The following BCAR3 variants were observed in gnomAD, a reference collection of about 807,000 sequenced individuals.
BCAR3 encodes the protein BCAR3 adaptor protein, NSP family member.
In BCAR3, 37 loss-of-function variants were observed where a neutral mutation model predicts 80.1. The observed-to-expected ratio is 0.46, with a 90% CI of 0.36 to 0.61. BCAR3 has a LOEUF of 0.61. BCAR3 is among the 20% of genes least tolerant of loss of function. The pLI, the probability that BCAR3 is intolerant of heterozygous loss-of-function variation, is 0.00. For synonymous variants in BCAR3, 389 were observed against 418.9 expected (o/e 0.93, Z 0.87); for missense variants, 978 against 1,068.2 (o/e 0.92, Z 1.18).
chr1:93,582,012 C>T (rs985252797), intron 7 of BCAR3, among the ~76,000 whole-genome samples: 2 of 152,100 alleles, frequency 1.3e-5, no homozygotes, highest in African/African-American at 2.4e-5. Context: ...GAGAAGAGGG[C>T]GGCCCCCACC....
chr1:93,681,309 T>A (rs1648748475), intron 1 of BCAR3: 1 of 151,184 alleles, frequency 6.6e-6, no homozygotes, highest in African/African-American at 2.4e-5. Flanking sequence ...GCAAGATGCC[T>A]GGCCGCCAAT....
chr1:93,642,876 C>T (rs1259193703), intron 2 of BCAR3, among the ~76,000 whole-genome samples: 2 of 152,210 alleles, frequency 1.3e-5, no homozygotes, highest in Non-Finnish European at 2.9e-5. Context: ...GTTACCCACC[C>T]ACTCCTGGTG....
chr1:93,644,226 A>T (rs1287016609), intron 2 of BCAR3, among the ~76,000 whole-genome samples: 1 of 152,234 alleles, frequency 6.6e-6, no homozygotes, highest in Non-Finnish European at 1.5e-5. Context: ...ATCCTAAAGA[A>T]ATTAACTAAA....
intron 3 of BCAR3, among the ~76,000 whole-genome samples, chr1:93,624,950 C>T (rs886706761): frequency 1.3e-5 from 2 of 152,210 alleles, no homozygotes; most frequent in Admixed American, 1.3e-4. Flanking sequence ...GTGGCTCATG[C>T]CTGTAATCCC....
chr1:93,583,861 C>T (rs546537050), intron 6 of BCAR3, among the ~76,000 whole-genome samples, 157 bp downstream of exon 6: 2 of 152,278 alleles, frequency 1.3e-5, no homozygotes, highest in South Asian at 2.1e-4. Flanking sequence ...CTCAGTGCTT[C>T]GCCGCCGGAT....
chr1:93,810,049 C>T (rs1267475662), intron 2 of BCAR3, among the ~76,000 whole-genome samples: 1 of 150,506 alleles, frequency 6.6e-6, no homozygotes, highest in East Asian at 2.0e-4. Context: ...CAAAAATTAG[C>T]AGGCATGGTG....
rs1048297938 is a variant in BCAR3, at chr1:93,586,902, G to T, written c.929+2075C>A. The stretch of plus-strand genomic sequence containing the variant: ...CAATTCTCCTGCCTTAGCCTCCCTA[G>T]TAGCTGGGACTACAGGCGTGCACCA... On this transcript the variant is annotated intron_variant, in intron 5 of 11. Coordinates refer to ENST00000260502, the MANE Select transcript of BCAR3 (RefSeq NM_003567.4). This position sits in a 1 kb window ranked among gnomAD's most constrained non-coding sequence, Gnocchi z 4.2. Among the ~76,000 whole-genome samples, 1 of 152,164 alleles carries T rather than the reference G, an allele frequency of 6.6e-6. No individual in the cohort carries two copies. Among genetic ancestry groups the T allele is most frequent in the African/African-American group, 2.4e-5 (1 of 41,452 alleles).
chr1:93,665,081 T>A (rs1185041151), intron 2 of BCAR3, among the ~76,000 whole-genome samples: 3 of 152,136 alleles, frequency 2.0e-5, no homozygotes, highest in Non-Finnish European at 4.4e-5. Flanking sequence ...TAAAGGAACA[T>A]ATCCCCTTGA....
chr1:93,841,193 T>C (rs1654948470), intron 2 of BCAR3, among the ~76,000 whole-genome samples: 2 of 152,198 alleles, frequency 1.3e-5, no homozygotes, highest in African/African-American at 4.8e-5. Context: ...TCCGGATCTT[T>C]GCCCCACTGA....
intron 3 of BCAR3, among the ~76,000 whole-genome samples, chr1:93,621,698 T>C (rs559774500): frequency 2.6e-5 from 4 of 152,224 alleles, no homozygotes; most frequent in Non-Finnish European, 4.4e-5. Context: ...TGGACCTTGT[T>C]TGCATGTAAT....
intron 2 of BCAR3, among the ~76,000 whole-genome samples, chr1:93,659,565 T>C (rs1571017033): frequency 6.6e-6 from 1 of 151,848 alleles, no homozygotes; most frequent in African/African-American, 2.4e-5. Flanking sequence ...TAGAAATATA[T>C]ATTATATATA....
Position 93,562,171 on chromosome 1 carries a change from A to AC in BCAR3, c.*69dup, listed in dbSNP as rs1570891536. 1.3e-6 allele frequency: 2 copies of AC among 1,485,914 alleles called. No homozygotes were observed. Among genetic ancestry groups the AC allele is most frequent in the Non-Finnish European group, 1.8e-6 (2 of 1,095,540 alleles). The allele number at this position is 1,485,914 out of a possible 1,614,324, so 92.0% of individuals were successfully genotyped here. A position where few individuals can be genotyped will look rare whatever the true frequency, so the allele number is the denominator to read the frequency against. On this transcript the variant is annotated 3_prime_UTR_variant, in exon 12 of 12. Transcript: ENST00000260502. ...TTTGCACATTATTACTTTATCAAAA[A>AC]CAGTAAGCTTTCCCAAAGATGAAGC...
At chr1:93,728,509 A>G (rs965574954) in intron 2 of BCAR3, among the ~76,000 whole-genome samples, 5 of 152,212 alleles carry the variant, frequency 3.3e-5, no homozygotes, top group African/African-American at 1.2e-4. Context: ...GGTGTACCAG[A>G]AGAATTGGAT....
chr1:93,626,432 G>T (rs534148223), intron 3 of BCAR3, among the ~76,000 whole-genome samples: 1 of 152,202 alleles, frequency 6.6e-6, no homozygotes, highest in Non-Finnish European at 1.5e-5. Context: ...GTACAGTGGT[G>T]CTCAAAGTGT....
At chr1:93,679,733 GTT>G (rs768189789) in intron 1 of BCAR3, among the ~76,000 whole-genome samples, 1 of 152,232 alleles carries the variant, frequency 6.6e-6, no homozygotes, top group Non-Finnish European at 1.5e-5. Context: ...GCTTTGAAAT[GTT>G]TGTGAACTGA....
intron 8 of BCAR3, among the ~76,000 whole-genome samples, chr1:93,572,794 G>A (rs1026802139): frequency 2.0e-5 from 3 of 152,200 alleles, no homozygotes; most frequent in Non-Finnish European, 4.4e-5. Context: ...GGGCCACTCT[G>A]TCCTGAACGT....
intron 3 of BCAR3, among the ~76,000 whole-genome samples, chr1:93,633,818 G>A (rs904001399): frequency 6.6e-6 from 1 of 152,116 alleles, no homozygotes; most frequent in African/African-American, 2.4e-5. Flanking sequence ...TATTTTTTTA[G>A]TTAGTAGTCA....
intron 3 of BCAR3, among the ~76,000 whole-genome samples, chr1:93,607,104 C>T (rs757442810): frequency 2.6e-5 from 4 of 151,870 alleles, no homozygotes; most frequent in Non-Finnish European, 4.4e-5. Flanking sequence ...AAAAGAGGGG[C>T]GGAGGGATAG....
intron 2 of BCAR3, among the ~76,000 whole-genome samples, chr1:93,759,806 C>G (rs1204397480): frequency 6.6e-6 from 1 of 151,190 alleles, no homozygotes; most frequent in Non-Finnish European, 1.5e-5. Context: ...AGGTCCAGGG[C>G]TGGAACAGAC....
Sources: gnomAD v4.1 joint callset for allele counts (sites outside exome capture counted in the v4.1 genomes callset) on GRCh38, gnomAD v4.1.1 for gene constraint, Gnocchi (gnomAD v3.1) non-coding constraint, MANE v1.5 for transcripts, NCBI Gene and HGNC (gene_info 2026-07-23, HGNC 2026-07-21) for gene names.